The following HK1 variants were observed in gnomAD, a reference collection of about 807,000 sequenced individuals.
The protein encoded by HK1 is hexokinase 1, also known as hexokinase-1.
In HK1, 28 loss-of-function variants were observed where a neutral mutation model predicts 91.6. That is an observed-to-expected ratio of 0.31 (90% confidence interval 0.23 to 0.42). HK1 has a LOEUF of 0.42. Ranked by LOEUF, HK1 falls within the 10% of genes least tolerant of loss-of-function variation. The pLI, the probability that HK1 is intolerant of heterozygous loss-of-function variation, is 1.00. For synonymous variants in HK1, 430 were observed against 468.1 expected (o/e 0.92, Z 1.05); for missense variants, 770 against 1,219.8 (o/e 0.63, Z 5.49).
chr10:69,385,026 G>A, intron 12 of HK1, 111 bp downstream of exon 12: 2 of 1,127,644 alleles, frequency 1.8e-6, no homozygotes, highest in South Asian at 1.2e-5. Flanking sequence ...CTAGATGACA[G>A]TCACAGTCAC....
chr10:69,364,914 C>A lies in HK1; in HGVS notation c.495+12C>A. 6.2e-7 allele frequency: 1 copy of A among 1,614,014 alleles called. No homozygotes were observed. Among genetic ancestry groups the A allele is most frequent in the South Asian group, 1.1e-5 (1 of 91,060 alleles). On this transcript the variant is annotated intron_variant, in intron 4 of 17. Coordinates refer to ENST00000359426, the MANE Select transcript of HK1 (RefSeq NM_000188.3). ...CCAAAATAGATGAGGTAAGGATGTTCTGGGATTATCGGGCTCTGCAGATGC... is the reference window on the plus strand; with the variant it reads ...CCAAAATAGATGAGGTAAGGATGTTATGGGATTATCGGGCTCTGCAGATGC...
intron 4 of HK1, 36 bp from the exon 5 acceptor site, chr10:69,368,500 C>T (rs202005105): frequency 6.4e-7 from 1 of 1,569,012 alleles, no homozygotes; most frequent in Non-Finnish European, 8.8e-7. Flanking sequence ...GGAGGCCTCC[C>T]AGCCCTCATC....
At chr10:69,292,682 C>T (rs1845350925) in intron 3 of HK1, among the ~76,000 whole-genome samples, 1 of 152,138 alleles carries the variant, frequency 6.6e-6, no homozygotes, top group Admixed American at 6.6e-5. Flanking sequence ...GTTGTTATTA[C>T]AGATAAAGGG....
Position 69,398,619 on chromosome 10 carries a change from C to G in HK1, c.2400C>G (p.Val800=), listed in dbSNP as rs1840246218. ...IESDRLALLQ[V]RAILQQLGLN... ...GTGACCGATTAGCACTGCTCCAGGT[C>G]CGGGCTATCCTCCAGCAGCTAGGTC... Residue 800 remains valine, a synonymous_variant, in exon 17 of 18, where the codon GTC becomes GTG. Transcript: ENST00000359426. 1 of 1,613,738 alleles carries G rather than the reference C, an allele frequency of 6.2e-7. No homozygotes were observed. The highest frequency in any genetic ancestry group is 1.3e-5 in the African/African-American group (1 of 74,936).
Position 69,377,031 on chromosome 10 carries a change from A to AT in HK1, c.973_974insT (p.Thr325IlefsTer11), listed in dbSNP as rs1346861168. On this transcript the variant is annotated frameshift_variant, in exon 8 of 18. Transcript: ENST00000359426. LOFTEE classifies it high-confidence loss of function. Reference sequence around the variant, plus strand: ...GGGCCTCTTATTTGAAGGGCGGATCACCCCGGAGCTGCTCACCCGAGGGAA... The same window carrying AT: ...GGGCCTCTTATTTGAAGGGCGGATCATCCCCGGAGCTGCTCACCCGAGGGAA... The AT allele has an allele frequency of 1.2e-6, 2 of 1,613,914 alleles. No homozygotes were observed. The highest frequency in any genetic ancestry group is 1.7e-6 in the Non-Finnish European group (2 of 1,180,010).
At chr10:69,296,325 G>C (rs753531107) in intron 4 of HK1, 1 of 154,178 alleles carries the variant, frequency 6.5e-6, no homozygotes, top group Non-Finnish European at 1.4e-5. Context: ...AGAAACTCTC[G>C]ATTTCCCCTG....
intron 2 of HK1, among the ~76,000 whole-genome samples, chr10:69,350,301 G>A (rs1331568357): frequency 6.6e-6 from 1 of 152,170 alleles, no homozygotes; most frequent in Admixed American, 6.5e-5. Context: ...GTGAAAAATG[G>A]GAGGGTAGTT....
At chr10:69,311,573 G>A (rs1407001232), upstream of HK1, among the ~76,000 whole-genome samples, 1 of 152,170 alleles carries the variant, frequency 6.6e-6, no homozygotes, top group East Asian at 1.9e-4. Flanking sequence ...CTGAGATAAG[G>A]AGCTAGTCTG....
chr10:69,301,012 A>T, intron 5 of HK1: 1 of 541,816 alleles, frequency 1.8e-6, no homozygotes. Flanking sequence ...TGGGAGGCTG[A>T]GGCAGGTGGA....
chr10:69,359,758 T>C lies in HK1; in HGVS notation c.227-139T>C, dbSNP rs969059574. On this transcript the variant is annotated intron_variant, in intron 2 of 17. Coordinates refer to ENST00000359426, the MANE Select transcript of HK1 (RefSeq NM_000188.3). Reference sequence around the variant, plus strand: ...TGGCAGTGGTTGGATGAAGTTTGCATGATTGCTGCTTTCTGGCTGATAACA... The same window carrying C: ...TGGCAGTGGTTGGATGAAGTTTGCACGATTGCTGCTTTCTGGCTGATAACA... 1.8e-5 allele frequency: 15 copies of C among 827,998 alleles called. No individual in the cohort carries two copies. The African/African-American group carries it at 1.8e-4, about 10-fold the overall frequency. The allele number at this position is 827,998 out of a possible 1,614,324, so 51.3% of individuals were successfully genotyped here.
At chr10:69,368,702 C>T (rs1338001317) in intron 5 of HK1, 71 bp downstream of exon 5, 7 of 1,201,766 alleles carry the variant, frequency 5.8e-6, no homozygotes, top group Non-Finnish European at 4.9e-6. Context: ...CTAAAACAGA[C>T]CAGTGCCCTT....
chr10:69,313,893 T>C (rs1319334546), upstream of HK1, among the ~76,000 whole-genome samples: 2 of 152,210 alleles, frequency 1.3e-5, no homozygotes, highest in African/African-American at 4.8e-5. Context: ...GCCACAGTTT[T>C]AGCTTGGTGG....
At chr10:69,317,144 A>T (rs1042732762), upstream of HK1, among the ~76,000 whole-genome samples, 2 of 152,234 alleles carry the variant, frequency 1.3e-5, no homozygotes, top group Non-Finnish European at 2.9e-5. Flanking sequence ...GAAGGGTAGG[A>T]ATGAAAGTGA....
At chr10:69,349,003 G>A (rs534797786) in intron 2 of HK1, among the ~76,000 whole-genome samples, 2 of 152,268 alleles carry the variant, frequency 1.3e-5, no homozygotes, top group South Asian at 4.1e-4. Context: ...CTTCGGATGT[G>A]TTGTTTAATG....
intron 8 of HK1, 120 bp from the exon 9 acceptor site, chr10:69,379,742 A>G (rs1330086638): frequency 5.0e-6 from 4 of 800,530 alleles, no homozygotes; most frequent in Non-Finnish European, 6.7e-6. Context: ...ATCCCATACC[A>G]TCCCATACCA....
chr10:69,311,843 G>A (rs1338983009), upstream of HK1, among the ~76,000 whole-genome samples: 1 of 152,120 alleles, frequency 6.6e-6, no homozygotes, highest in Non-Finnish European at 1.5e-5. Flanking sequence ...CATCATATTG[G>A]CCAGGCTGGT....
intron 1 of HK1, among the ~76,000 whole-genome samples, chr10:69,274,928 ACT>A (rs1844358009): frequency 2.0e-5 from 3 of 152,060 alleles, no homozygotes; most frequent in Admixed American, 2.0e-4. Context: ...CCATGCCGAG[ACT>A]CAACAAATGC....
intron 4 of HK1, among the ~76,000 whole-genome samples, chr10:69,299,273 A>G (rs1845724888): frequency 6.6e-6 from 1 of 151,612 alleles, no homozygotes; most frequent in African/African-American, 2.4e-5. Context: ...CGTGGGCTCA[A>G]GTGACCCTCC....
chr10:69,300,368 G>C, intron 4 of HK1: 3 of 500,332 alleles, frequency 6.0e-6, no homozygotes, highest in Non-Finnish European at 1.1e-5. Flanking sequence ...TTATTCCTAT[G>C]TAATTTTGTT....
Sources: allele counts gnomAD v4.1 joint callset (sites outside exome capture counted in the v4.1 genomes callset), GRCh38; gene constraint gnomAD v4.1.1; transcripts MANE v1.5; gene names NCBI Gene and HGNC (gene_info 2026-07-23, HGNC 2026-07-21).